Variants in CROCC2 observed in about 807,000 individuals in gnomAD.
CROCC2 encodes the protein ciliary rootlet coiled-coil, rootletin family member 2.
CROCC2 carries 163 observed loss-of-function variants against 177.6 expected under a neutral mutation model. The observed-to-expected ratio is 0.92, with a 90% CI of 0.81 to 1.05. The LOEUF is 1.05. CROCC2 is among the 50% of genes least tolerant of loss of function. The pLI is 0.00. For synonymous variants in CROCC2, 904 were observed against 787.3 expected (o/e 1.15, Z -2.48); for missense variants, 1,929 against 1,797.8 (o/e 1.07, Z -1.32).
chr2:240,925,216 C>T (rs936462009), intron 4 of CROCC2, among the ~76,000 whole-genome samples: 12 of 152,196 alleles, frequency 7.9e-5, no homozygotes, highest in African/African-American at 2.7e-4. Flanking sequence ...TTAGGCCTGG[C>T]GGGGGTGCCG....
At position 240,934,382 on chromosome 2, in the gene CROCC2, G is replaced by A. The variant is rs976138237; in HGVS notation, c.1698G>A (p.Glu566=). The A allele has an allele frequency of 6.5e-7, 1 of 1,548,700 alleles. No individual in the cohort carries two copies. The highest frequency in any genetic ancestry group is 8.7e-7 in the Non-Finnish European group (1 of 1,146,934). The change falls in exon 12 of 32, where the codon GAG becomes GAA. Residue 566 remains glutamate, a synonymous_variant. Transcript: ENST00000690015. ...AGAAGGTCTCCGGGCTCAGAGAGGAGCTGGCATCGGTCCGGGAGGCACTGA... is the reference window on the plus strand; with the variant it reads ...AGAAGGTCTCCGGGCTCAGAGAGGAACTGGCATCGGTCCGGGAGGCACTGA... ...LEEKVSGLRE[E]LASVREALST...
At chr2:240,989,154 G>A (rs2059860846) in intron 29 of CROCC2, among the ~76,000 whole-genome samples, 1 of 152,202 alleles carries the variant, frequency 6.6e-6, no homozygotes, top group Admixed American at 6.5e-5. Flanking sequence ...AGGGCCAGGT[G>A]AGGGAGGTCA....
At position 240,925,766 on chromosome 2, in the gene CROCC2, G is replaced by T. The variant is rs976887655; in HGVS notation, c.531G>T (p.Gln177His). ...AGGTGAACGCGCTCCTGCGGGAGCA[G>T]CTGGAACATATGAAGAAGGCCAATG... The part of the protein sequence containing the change: ...LCQVNALLRE[Q>H]LEHMKKANDA... The change falls in exon 5 of 32, where the codon CAG becomes CAT. Residue 177 changes from glutamine (Q) to histidine (H), a missense_variant. Around this residue, in one of 3 missense-constraint regions of CROCC2, gnomAD observed 1,397 missense variants for 1,239.9 expected, o/e 1.13. Coordinates refer to ENST00000690015, the MANE Select transcript of CROCC2 (RefSeq NM_001351305.2). The T allele has an allele frequency of 1.3e-5, 9 of 716,944 alleles. No homozygotes were observed. The Admixed American group carries it at 1.4e-4, about 11-fold the overall frequency. 44.4% of individuals were successfully genotyped at this position (716,944 alleles called of 1,614,324 possible).
At chr2:240,962,629 G>A (rs1293718339) in intron 20 of CROCC2, among the ~76,000 whole-genome samples, 2 of 152,242 alleles carry the variant, frequency 1.3e-5, no homozygotes, top group East Asian at 3.9e-4. Flanking sequence ...CTTTTGTCAA[G>A]CCAGCGACTT....
intron 2 of CROCC2, 69 bp from the exon 3 acceptor site, chr2:240,919,914 G>A (rs2059347359): frequency 3.3e-5 from 22 of 675,492 alleles, no homozygotes; most frequent in Non-Finnish European, 5.2e-5. Context: ...CCACCGTGGA[G>A]ACAGGGCACA....
intron 18 of CROCC2, among the ~76,000 whole-genome samples, chr2:240,952,682 G>A (rs140115161): frequency 1.5e-4 from 23 of 152,372 alleles, no homozygotes; most frequent in Admixed American, 3.9e-4. Context: ...CAGGCTGCAC[G>A]TGAGTGGAAG....
At chr2:240,961,478 GTGCACACACATACA>G (rs1470845170) in intron 20 of CROCC2, among the ~76,000 whole-genome samples, 1 of 151,712 alleles carries the variant, frequency 6.6e-6, no homozygotes, top group Non-Finnish European at 1.5e-5. Flanking sequence ...GCATACAGAC[GTGCACACACATACA>G]TGCACACACG....
intron 14 of CROCC2, among the ~76,000 whole-genome samples, chr2:240,944,370 C>A (rs950656327): frequency 1.3e-5 from 2 of 152,198 alleles, no homozygotes; most frequent in African/African-American, 4.8e-5. Flanking sequence ...AGATTTGGAA[C>A]ATTCTTGGCC....
intron 27 of CROCC2, 150 bp downstream of exon 27, chr2:240,968,412 C>A: frequency 9.4e-7 from 1 of 1,067,722 alleles, no homozygotes; most frequent in Non-Finnish European, 1.3e-6. Flanking sequence ...GGAGCCAGCC[C>A]GGTGGGGCCC....
At chr2:240,939,876 C>A (rs1207312007) in intron 14 of CROCC2, among the ~76,000 whole-genome samples, 2 of 152,136 alleles carry the variant, frequency 1.3e-5, no homozygotes, top group Non-Finnish European at 2.9e-5. Flanking sequence ...TTATCAATTT[C>A]TAACATAATT....
chr2:240,934,586 C>A, intron 12 of CROCC2, 111 bp downstream of exon 12: 1 of 1,163,834 alleles, frequency 8.6e-7, no homozygotes, highest in Non-Finnish European at 1.2e-6. Context: ...GCCCCTCAGC[C>A]CATCACCAGA....
chr2:240,990,613 C>T (rs1180977641), intron 30 of CROCC2, among the ~76,000 whole-genome samples: 1 of 151,678 alleles, frequency 6.6e-6, no homozygotes. Context: ...AATGGATTCT[C>T]ACTCTGTCAC....
At chr2:240,985,759 ACACACACCCAGGCAC>A (rs2059836873) in intron 28 of CROCC2, 1 of 308,824 alleles carries the variant, frequency 3.2e-6, no homozygotes, top group Non-Finnish European at 6.4e-6. Context: ...CACTCACTCC[ACACACACCCAGGCAC>A]TCAGCACACA....
Position 240,935,653 on chromosome 2 carries a change from A to T in CROCC2, c.2169+65A>T. On this transcript the variant is annotated intron_variant, in intron 14 of 31. Transcript: ENST00000690015. The stretch of plus-strand genomic sequence containing the variant: ...GCGGCTGGGTGGCAGGTCTTGCCTA[A>T]GGTACTTCTGGGAGTCAGGCAGGCT... The T allele has an allele frequency of 4.0e-6, 5 of 1,255,546 alleles. No homozygotes were observed. The South Asian group carries it at 9.2e-5, about 23-fold the overall frequency. 77.8% of individuals were successfully genotyped at this position (1,255,546 alleles called of 1,614,324 possible).
chr2:240,976,000 G>C (rs575687949), intron 27 of CROCC2, among the ~76,000 whole-genome samples: 14 of 152,110 alleles, frequency 9.2e-5, no homozygotes, highest in Non-Finnish European at 1.3e-4. Flanking sequence ...CAAAGTGCTG[G>C]GATTACAGGA....
At chr2:240,914,409 G>T (rs546249617) in intron 1 of CROCC2, among the ~76,000 whole-genome samples, 2 of 152,232 alleles carry the variant, frequency 1.3e-5, no homozygotes, top group Non-Finnish European at 2.9e-5. Flanking sequence ...GCTGGCGCGC[G>T]CCTTCACTCT....
chr2:240,917,392 G>A lies in CROCC2; in HGVS notation c.79-1334G>A, dbSNP rs1278201506. ...AGACAGCATGCACCAGGTGCAGGAGGCCTGGCTGGGGTTGGGAGGAGGGTG... is the reference window on the plus strand; with the variant it reads ...AGACAGCATGCACCAGGTGCAGGAGACCTGGCTGGGGTTGGGAGGAGGGTG... On this transcript the variant is annotated intron_variant, in intron 1 of 31. Transcript: ENST00000690015. The surrounding 1 kb of genome is among the most constrained non-coding windows in gnomAD (Gnocchi z 4.9). Among the ~76,000 whole-genome samples, 2 of 152,160 alleles carry A rather than the reference G, an allele frequency of 1.3e-5. No individual in the cohort carries two copies. Among genetic ancestry groups the A allele is most frequent in the Non-Finnish European group, 2.9e-5 (2 of 67,996 alleles).
intron 27 of CROCC2, among the ~76,000 whole-genome samples, chr2:240,970,724 G>T (rs1007294449): frequency 6.6e-5 from 10 of 152,156 alleles, no homozygotes. Flanking sequence ...GGGCTCTCCT[G>T]CCTGTAGGTT....
rs768221777 is a variant in CROCC2, at chr2:240,973,131, CCT to C, written c.4401+4870_4401+4871del. On this transcript the variant is annotated intron_variant, in intron 27 of 31. Transcript: ENST00000690015. The surrounding 1 kb of genome is among the most constrained non-coding windows in gnomAD (Gnocchi z 4.7). Reference sequence around the variant, plus strand: ...TTTGCTTTCATGGGTTGGTTTTTCCCCTGTTTCACATAAGCCGATGTGTTTGT... The same window carrying C: ...TTTGCTTTCATGGGTTGGTTTTTCCCGTTTCACATAAGCCGATGTGTTTGT... Among the ~76,000 whole-genome samples the C allele has an allele frequency of 1.2e-4, 19 of 152,296 alleles. No individual in the cohort carries two copies. The highest frequency in any genetic ancestry group is 2.6e-4 in the African/African-American group (11 of 41,564).
Sources: gnomAD v4.1 joint callset for allele counts (sites outside exome capture counted in the v4.1 genomes callset) on GRCh38, gnomAD v4.1.1 for gene constraint, gnomAD v4.1.1 regional missense constraint, Gnocchi (gnomAD v3.1) non-coding constraint, MANE v1.5 for transcripts, NCBI Gene and HGNC (gene_info 2026-07-23, HGNC 2026-07-21) for gene names.